CDH12: variants seen among roughly 807,000 people sequenced by gnomAD.
The protein encoded by CDH12 is cadherin 12, also known as cadherin-12.
In CDH12, 41 loss-of-function variants were observed where a neutral mutation model predicts 74.1. That is an observed-to-expected ratio of 0.55 (90% CI 0.43 to 0.72). CDH12 has a LOEUF of 0.72. Ranked by LOEUF, CDH12 falls within the 30% of genes least tolerant of loss-of-function variation. The probability of loss-of-function intolerance (pLI) is 0.00; values close to 1 mark genes in which losing one functional copy is unlikely to be tolerated. For synonymous variants in CDH12, 399 were observed against 355.0 expected, an observed-to-expected ratio of 1.12 and a Z score of -1.39; for missense variants, 945 against 977.2, an observed-to-expected ratio of 0.97 and a Z score of 0.44.
At chr5:22,714,699 C>A (rs1363182553) in intron 1 of CDH12, among the ~76,000 whole-genome samples, 1 of 152,082 alleles carries the variant, frequency 6.6e-6, no homozygotes, top group Non-Finnish European at 1.5e-5. Context: ...CCCAATAGGC[C>A]CGCCTAATAT....
At chr5:21,777,462 C>CT in intron 11 of CDH12, among the ~76,000 whole-genome samples, 1 of 151,648 alleles carries the variant, frequency 6.6e-6, no homozygotes, top group Non-Finnish European at 1.5e-5. Flanking sequence ...AATATTTAGT[C>CT]TTTTTTACTA....
At position 21,859,739 on chromosome 5, in the gene CDH12, C is replaced by T. The variant is rs992256105; in HGVS notation, c.527-4949G>A. On this transcript the variant is annotated intron_variant, in intron 6 of 14. Transcript: ENST00000382254. ...CTGGAAGTTAAGATTGCCACCTGGCCAGTTTGGGCTCCTGCTAACTCTAAG... is the reference window on the plus strand; with the variant it reads ...CTGGAAGTTAAGATTGCCACCTGGCTAGTTTGGGCTCCTGCTAACTCTAAG... 8.6e-5 allele frequency among the ~76,000 whole-genome samples: 13 copies of T among 151,866 alleles called. No individual in the cohort carries two copies. The East Asian group carries it at 2.5e-3, about 29-fold the overall frequency.
At chr5:22,739,932 C>T (rs1409144185) in intron 1 of CDH12, among the ~76,000 whole-genome samples, 2 of 151,968 alleles carry the variant, frequency 1.3e-5, no homozygotes, top group East Asian at 1.9e-4. Flanking sequence ...GTTACTATAC[C>T]TTGCTTGATG....
At chr5:22,496,840 C>G (rs1490661378) in intron 2 of CDH12, among the ~76,000 whole-genome samples, 1 of 152,156 alleles carries the variant, frequency 6.6e-6, no homozygotes, top group African/African-American at 2.4e-5. Flanking sequence ...CTTCATTCCT[C>G]TGATGTTTTT....
At chr5:22,246,660 C>T (rs1304801497) in intron 3 of CDH12, among the ~76,000 whole-genome samples, 3 of 152,132 alleles carry the variant, frequency 2.0e-5, no homozygotes, top group Non-Finnish European at 2.9e-5. Flanking sequence ...TGGCTAATTA[C>T]GTAATTCCTT....
intron 6 of CDH12, among the ~76,000 whole-genome samples, chr5:21,899,286 G>A (rs951208673): frequency 6.6e-6 from 1 of 152,056 alleles, no homozygotes; most frequent in Non-Finnish European, 1.5e-5. Flanking sequence ...TTTATTCCTG[G>A]TTTTATAGAT....
chr5:21,831,237 T>G (rs944147008), intron 8 of CDH12, among the ~76,000 whole-genome samples: 3 of 152,122 alleles, frequency 2.0e-5, no homozygotes, highest in Admixed American at 6.6e-5. Flanking sequence ...AATCTATATT[T>G]TCATAAACAT....
At chr5:22,839,275 T>A (rs146589123) in intron 1 of CDH12, among the ~76,000 whole-genome samples, 2 of 152,032 alleles carry the variant, frequency 1.3e-5, no homozygotes, top group Non-Finnish European at 2.9e-5. Flanking sequence ...TTCATAAACA[T>A]CATTTACATG....
chr5:22,461,712 C>T (rs1384370561), intron 2 of CDH12, among the ~76,000 whole-genome samples: 1 of 151,396 alleles, frequency 6.6e-6, no homozygotes, highest in South Asian at 2.1e-4. Flanking sequence ...ACTTTGCCTC[C>T]AATTATTTAT....
At chr5:22,615,338 C>A (rs766287152) in intron 1 of CDH12, among the ~76,000 whole-genome samples, 4 of 151,966 alleles carry the variant, frequency 2.6e-5, no homozygotes, top group Non-Finnish European at 4.4e-5. Context: ...ATTTTTTATT[C>A]TTTCCTTCTG....
intron 5 of CDH12, among the ~76,000 whole-genome samples, chr5:22,017,555 A>T (rs1737679313): frequency 6.6e-6 from 1 of 152,158 alleles, no homozygotes; most frequent in Non-Finnish European, 1.5e-5. Context: ...AAAATGATTC[A>T]AATTCTGGTG....
chr5:22,662,933 A>G (rs1740424598), intron 1 of CDH12, among the ~76,000 whole-genome samples: 1 of 152,032 alleles, frequency 6.6e-6, no homozygotes, highest in Non-Finnish European at 1.5e-5. Context: ...AACAACAACA[A>G]CTCATTTTCT....
Position 22,673,023 on chromosome 5 carries a change from AT to A in CDH12, c.-522-167660del, listed in dbSNP as rs963259483. Among the ~76,000 whole-genome samples, 13 of 151,040 alleles carry A rather than the reference AT, an allele frequency of 8.6e-5. No homozygotes were observed. In the South Asian group the frequency reaches 2.1e-3, roughly 24 times the overall value. On this transcript the variant is annotated intron_variant, in intron 1 of 14. Transcript: ENST00000382254. ...TCTGATTTGGGGCATTTTTCTTTTC[AT>A]TTTTTTTCTCTTTTGGATCTTTCAT...
intron 1 of CDH12, among the ~76,000 whole-genome samples, chr5:22,637,548 A>C (rs1429811312): frequency 1.3e-5 from 2 of 152,244 alleles, no homozygotes; most frequent in Non-Finnish European, 2.9e-5. Flanking sequence ...ACAGGCAGGG[A>C]ATAAAATACA....
chr5:22,228,059 A>G (rs1429099137), intron 3 of CDH12, among the ~76,000 whole-genome samples: 1 of 152,112 alleles, frequency 6.6e-6, no homozygotes, highest in African/African-American at 2.4e-5. Context: ...CACTTCTCCA[A>G]ATGTAAGTTT....
At chr5:22,370,869 A>G (rs1741259187) in intron 3 of CDH12, among the ~76,000 whole-genome samples, 1 of 152,188 alleles carries the variant, frequency 6.6e-6, no homozygotes, top group Non-Finnish European at 1.5e-5. Flanking sequence ...AAATGACTGG[A>G]AAAATTCTAG....
chr5:22,322,615 T>C (rs1387714425), intron 3 of CDH12, among the ~76,000 whole-genome samples: 2 of 152,194 alleles, frequency 1.3e-5, no homozygotes, highest in Non-Finnish European at 2.9e-5. Context: ...AAATCAGTTA[T>C]TAGGTCCATG....
chr5:22,817,184 C>T (rs1469882419), intron 1 of CDH12, among the ~76,000 whole-genome samples: 4 of 152,036 alleles, frequency 2.6e-5, no homozygotes, highest in Admixed American at 2.0e-4. Flanking sequence ...TTTTGTCTCA[C>T]TTTCCGTATC....
chr5:22,343,745 T>C (rs1316221878), intron 3 of CDH12, among the ~76,000 whole-genome samples: 1 of 152,198 alleles, frequency 6.6e-6, no homozygotes, highest in Non-Finnish European at 1.5e-5. Flanking sequence ...TTGTCTTCCA[T>C]AGGATTTCCA....
Sources: gnomAD v4.1 joint callset for allele counts (sites outside exome capture counted in the v4.1 genomes callset) on GRCh38, gnomAD v4.1.1 for gene constraint, MANE v1.5 for transcripts, NCBI Gene and HGNC (gene_info 2026-07-23, HGNC 2026-07-21) for gene names.